OR56A3: variants seen among roughly 807,000 people sequenced by gnomAD.
The protein encoded by OR56A3 is olfactory receptor family 56 subfamily A member 3, also known as olfactory receptor 56A3.
Under a neutral mutation model 17.5 loss-of-function variants are expected in OR56A3, and 23 were observed. The observed-to-expected ratio is 1.32, with a 90% CI of 0.95 to 1.87. The LOEUF (loss-of-function observed/expected upper bound fraction) is 1.87, where lower values mean the gene tolerates loss of function less well. OR56A3 is among the 40% of genes most tolerant of loss of function. The probability of loss-of-function intolerance (pLI) is 0.00; values close to 1 mark genes in which losing one functional copy is unlikely to be tolerated. For missense variants in OR56A3, 366 were observed against 380.1 expected (o/e 0.96, Z 0.31); for synonymous variants, 175 against 150.6 (o/e 1.16, Z -1.19).
the OR56A3 span, among the ~76,000 whole-genome samples, chr11:5,972,454 AC>A: frequency 6.6e-6 from 1 of 151,778 alleles, no homozygotes; most frequent in Non-Finnish European, 1.5e-5. Flanking sequence ...CCCCTCCCTT[AC>A]CCCTGAAACT....
At chr11:5,977,072 C>T in the OR56A3 span, among the ~76,000 whole-genome samples, 2 of 152,164 alleles carry the variant, frequency 1.3e-5, no homozygotes, top group Non-Finnish European at 2.9e-5. Context: ...GTGTAGTATT[C>T]CATGGTGTAT....
At chr11:5,944,410 A>C (rs1237797201) in intron 1 of OR56A3, among the ~76,000 whole-genome samples, 2 of 152,148 alleles carry the variant, frequency 1.3e-5, no homozygotes, top group African/African-American at 4.8e-5. Flanking sequence ...AAGAGGGAGA[A>C]TCTCCAGACT....
At chr11:6,019,146 A>C in the OR56A3 span, among the ~76,000 whole-genome samples, 1 of 152,052 alleles carries the variant, frequency 6.6e-6, no homozygotes, top group Admixed American at 6.6e-5. Flanking sequence ...AAAATTAAAG[A>C]GGAGGGAATT....
the OR56A3 span, among the ~76,000 whole-genome samples, chr11:6,013,691 C>T: frequency 6.6e-6 from 1 of 152,184 alleles, no homozygotes; most frequent in African/African-American, 2.4e-5. Context: ...AAACCTGAGG[C>T]TGATGCCCAA....
the OR56A3 span, among the ~76,000 whole-genome samples, chr11:5,957,286 C>G: frequency 6.6e-6 from 1 of 152,166 alleles, no homozygotes; most frequent in Non-Finnish European, 1.5e-5. Flanking sequence ...CCTACTATAA[C>G]TTATACTGCT....
the OR56A3 span, among the ~76,000 whole-genome samples, chr11:5,962,589 A>C: frequency 7.1e-6 from 1 of 140,646 alleles, no homozygotes; most frequent in East Asian, 2.1e-4. Context: ...CAGACTGCGG[A>C]CTGCAGTGGC....
Position 5,947,228 on chromosome 11 carries a change from C to T in OR56A3, c.-36-83C>T, listed in dbSNP as rs182856745. On this transcript the variant is annotated intron_variant, in intron 2 of 2. Coordinates refer to ENST00000641160, the MANE Select transcript of OR56A3 (RefSeq NM_001003443.3). Reference sequence around the variant, plus strand: ...TGGCTCTACATAACCTGCTAGAAACCACAAGTTGTACCTATGACAAACAAA... The same window carrying T: ...TGGCTCTACATAACCTGCTAGAAACTACAAGTTGTACCTATGACAAACAAA... The T allele has an allele frequency of 1.4e-3, 1,341 of 959,186 alleles. 2 individuals are homozygous for T. The highest frequency in any genetic ancestry group is 1.9e-3 in the Non-Finnish European group (1,220 of 652,984). The allele number at this position is 959,186 out of a possible 1,614,324, so 59.4% of individuals were successfully genotyped here. A position where few individuals can be genotyped will look rare whatever the true frequency, so the allele number is the denominator to read the frequency against.
At chr11:6,000,528 G>A in the OR56A3 span, 3 of 152,150 alleles carry the variant, frequency 2.0e-5, no homozygotes, top group Non-Finnish European at 4.4e-5. Flanking sequence ...ACGAGTTAAT[G>A]GGTGCAGCAC....
At chr11:5,973,456 C>G in the OR56A3 span, among the ~76,000 whole-genome samples, 3 of 152,176 alleles carry the variant, frequency 2.0e-5, no homozygotes, top group South Asian at 6.2e-4. Context: ...ATATTTTTGT[C>G]GAATTAATTC....
chr11:6,012,745 G>T, the OR56A3 span, among the ~76,000 whole-genome samples: 3 of 152,232 alleles, frequency 2.0e-5, no homozygotes, highest in Non-Finnish European at 4.4e-5. Context: ...CATCCATGGT[G>T]CTCAGGCTAA....
the OR56A3 span, among the ~76,000 whole-genome samples, chr11:5,998,621 T>C: frequency 2.0e-5 from 3 of 152,148 alleles, no homozygotes; most frequent in Non-Finnish European, 4.4e-5. Flanking sequence ...GTTGCAGAAG[T>C]TATTCTACCC....
At chr11:5,987,030 T>TTAG in the OR56A3 span, 1 of 1,127,472 alleles carries the variant, frequency 8.9e-7, no homozygotes, top group South Asian at 1.5e-5. Context: ...GGGAATAAAG[T>TTAG]TAGCTACAGG....
the OR56A3 span, among the ~76,000 whole-genome samples, chr11:5,980,011 G>GTATTGATT: frequency 3.3e-5 from 5 of 151,982 alleles, no homozygotes; most frequent in Non-Finnish European, 5.9e-5. Flanking sequence ...GATCTTCTTG[G>GTATTGATT]TATTGATTTC....
At chr11:5,967,860 G>A in the OR56A3 span, 6 of 1,570,518 alleles carry the variant, frequency 3.8e-6, no homozygotes, top group Admixed American at 1.1e-4. Context: ...GATGAGGTCA[G>A]AGCCCAGCAG....
chr11:5,964,935 A>T, the OR56A3 span, among the ~76,000 whole-genome samples: 5 of 151,902 alleles, frequency 3.3e-5, no homozygotes, highest in Admixed American at 6.6e-5. Context: ...TGTCCTTCCT[A>T]CCTTCTTCAA....
At chr11:6,002,999 T>C in the OR56A3 span, 6 of 1,613,972 alleles carry the variant, frequency 3.7e-6, no homozygotes, top group Admixed American at 1.7e-5. Flanking sequence ...CCATGTAAAG[T>C]TTCCTGATCA....
At chr11:6,015,667 C>T in the OR56A3 span, among the ~76,000 whole-genome samples, 2 of 152,308 alleles carry the variant, frequency 1.3e-5, no homozygotes, top group Middle Eastern at 3.4e-3. Flanking sequence ...AACATGGAGT[C>T]AAAGGAGATT....
chr11:5,944,119 T>C (rs1040533753), intron 1 of OR56A3, among the ~76,000 whole-genome samples: 1 of 152,214 alleles, frequency 6.6e-6, no homozygotes, highest in Non-Finnish European at 1.5e-5. Context: ...CTAGGGGTTA[T>C]TATCTTGAGG....
chr11:6,009,855 T>C, the OR56A3 span, among the ~76,000 whole-genome samples: 2 of 152,212 alleles, frequency 1.3e-5, no homozygotes, highest in Non-Finnish European at 2.9e-5. Flanking sequence ...GCAAATCCAG[T>C]TCCATCTATA....
Sources: allele counts gnomAD v4.1 joint callset (sites outside exome capture counted in the v4.1 genomes callset), GRCh38; gene constraint gnomAD v4.1.1; transcripts MANE v1.5; gene names NCBI Gene and HGNC (gene_info 2026-07-23, HGNC 2026-07-21).